Variants in PATJ observed in about 807,000 individuals in gnomAD.
PATJ encodes PATJ crumbs cell polarity complex component.
In PATJ, 190 loss-of-function variants were observed where a neutral mutation model predicts 224.9. The observed-to-expected ratio is 0.84, with a 90% CI of 0.75 to 0.95. PATJ has a LOEUF of 0.95. Among genes scored for constraint, PATJ ranks in the 40% least tolerant of loss-of-function variants. PATJ has a pLI of 0.00. For synonymous variants in PATJ, 769 were observed against 820.3 expected (o/e 0.94, Z 1.07); for missense variants, 2,121 against 2,270.3 (o/e 0.93, Z 1.34).
At chr1:62,101,329 T>C (rs574526076) in intron 33 of PATJ, among the ~76,000 whole-genome samples, 6 of 149,686 alleles carry the variant, frequency 4.0e-5, no homozygotes, top group Non-Finnish European at 8.9e-5. Context: ...AGTGACACAG[T>C]CTCGGCTCAC....
chr1:61,941,665 T>A (rs1427130717), intron 27 of PATJ, among the ~76,000 whole-genome samples: 1 of 152,040 alleles, frequency 6.6e-6, no homozygotes, highest in East Asian at 1.9e-4. Flanking sequence ...AATAAATAAA[T>A]AAATAAATAA....
At chr1:62,149,217 G>A (rs1364810761) in intron 42 of PATJ, among the ~76,000 whole-genome samples, 1 of 151,824 alleles carries the variant, frequency 6.6e-6, no homozygotes, top group South Asian at 2.1e-4. Flanking sequence ...CTGACTAGGT[G>A]GTCTGTGGTG....
At chr1:61,747,861 A>G (rs1026674437) in intron 1 of PATJ, among the ~76,000 whole-genome samples, 4 of 152,256 alleles carry the variant, frequency 2.6e-5, no homozygotes, top group Non-Finnish European at 5.9e-5. Context: ...TAAATGCACA[A>G]TACACACAAG....
At chr1:62,074,181 A>G (rs1264700034) in intron 31 of PATJ, among the ~76,000 whole-genome samples, 1 of 143,722 alleles carries the variant, frequency 7.0e-6, no homozygotes, top group Non-Finnish European at 1.5e-5. Flanking sequence ...CTGTAAAATT[A>G]TATGCTGAAA....
chr1:62,063,018 C>A (rs1460262809), intron 31 of PATJ, among the ~76,000 whole-genome samples: 1 of 152,042 alleles, frequency 6.6e-6, no homozygotes, highest in Non-Finnish European at 1.5e-5. Flanking sequence ...TTATTAGGTC[C>A]CACTTGTCAA....
At chr1:62,121,334 AC>A in intron 38 of PATJ, 39 bp downstream of exon 38, 2 of 1,121,976 alleles carry the variant, frequency 1.8e-6, no homozygotes, top group African/African-American at 2.5e-5. Context: ...CTATCCTGTT[AC>A]CCAAATTAAA....
chr1:62,160,796 TTTAAAG>T, intron 43 of PATJ, 106 bp from the exon 44 acceptor site: 1 of 1,151,290 alleles, frequency 8.7e-7, no homozygotes, highest in Non-Finnish European at 1.2e-6. Flanking sequence ...ATTGGTAGTT[TTTAAAG>T]TTACTCTTTT....
At chr1:61,863,477 A>G (rs1664949228) in intron 19 of PATJ, among the ~76,000 whole-genome samples, 1 of 152,210 alleles carries the variant, frequency 6.6e-6, no homozygotes, top group African/African-American at 2.4e-5. Context: ...TTGATCTCTT[A>G]GAAAGAAGAG....
chr1:62,002,733 A>AAGAG (rs1553238285), intron 28 of PATJ, among the ~76,000 whole-genome samples: 2 of 130,672 alleles, frequency 1.5e-5, no homozygotes, highest in Non-Finnish European at 3.2e-5. Flanking sequence ...AAAAAAAAAA[A>AAGAG]AGAGAGAGAG....
At chr1:62,106,310 A>T (rs1378276779) in intron 33 of PATJ, among the ~76,000 whole-genome samples, 2 of 138,768 alleles carry the variant, frequency 1.4e-5, no homozygotes, top group Non-Finnish European at 3.2e-5. Context: ...ATCTCTACTT[A>T]AAAAAAAAAA....
intron 43 of PATJ, among the ~76,000 whole-genome samples, chr1:62,158,111 A>C (rs933020597): frequency 1.3e-5 from 2 of 149,522 alleles, no homozygotes; most frequent in African/African-American, 4.8e-5. Flanking sequence ...TGCCCATTTT[A>C]CGGCATCTGA....
rs1019751925 is a variant in PATJ at position 62,162,154 on chromosome 1, C to T, written c.*1100C>T. 2.0e-5 allele frequency: 3 copies of T among 152,180 alleles called. No homozygotes were observed. The highest frequency in any genetic ancestry group is 4.4e-5 in the Non-Finnish European group (3 of 68,040). 9.4% of individuals were successfully genotyped at this position (152,180 alleles called of 1,614,324 possible). A position where few individuals can be genotyped will look rare whatever the true frequency, so the allele number is the denominator to read the frequency against. Reference sequence around the variant, plus strand: ...ATACATGTTCTGAATTCTAACAGTGCTAAATTACATTCAAGTCCAGGAAGA... The same window carrying T: ...ATACATGTTCTGAATTCTAACAGTGTTAAATTACATTCAAGTCCAGGAAGA... On this transcript the variant is annotated 3_prime_UTR_variant, in exon 44 of 44. Transcript: ENST00000642238.
chr1:61,813,289 C>CACACTTACTCCA (rs1655221120), intron 14 of PATJ, among the ~76,000 whole-genome samples: 1 of 147,000 alleles, frequency 6.8e-6, no homozygotes, highest in Non-Finnish European at 1.5e-5. Flanking sequence ...TCTCTGCCTC[C>CACACTTACTCCA]ACACTTACTG....
intron 14 of PATJ, among the ~76,000 whole-genome samples, chr1:61,821,555 A>C (rs1657271007): frequency 6.6e-6 from 1 of 152,118 alleles, no homozygotes; most frequent in Non-Finnish European, 1.5e-5. Context: ...GACAGAAGTG[A>C]GCCTCAGATG....
intron 33 of PATJ, among the ~76,000 whole-genome samples, chr1:62,089,955 A>G (rs377346119): frequency 7.2e-5 from 11 of 152,240 alleles, no homozygotes; most frequent in South Asian, 4.1e-4. Context: ...AAACCTCCCA[A>G]TTAAGATTTC....
chr1:61,924,933 C>T (rs368158948), intron 26 of PATJ, among the ~76,000 whole-genome samples: 1 of 5,738 alleles, frequency 1.7e-4, no homozygotes. Flanking sequence ...AGACAGGCGG[C>T]CGGGCGCGGT....
chr1:62,085,658 A>T (rs975593667), intron 33 of PATJ, among the ~76,000 whole-genome samples: 2 of 151,482 alleles, frequency 1.3e-5, no homozygotes, highest in Admixed American at 6.6e-5. Context: ...TACAAAGAAA[A>T]TTTTTTTTAA....
intron 22 of PATJ, among the ~76,000 whole-genome samples, chr1:61,886,568 C>G (rs1379936429): frequency 6.6e-6 from 1 of 151,952 alleles, no homozygotes; most frequent in Non-Finnish European, 1.5e-5. Context: ...GCCTGTAATC[C>G]CAGCACTTTG....
chr1:61,793,780 G>A (rs1650405459), intron 9 of PATJ, among the ~76,000 whole-genome samples: 1 of 151,578 alleles, frequency 6.6e-6, no homozygotes, highest in African/African-American at 2.4e-5. Flanking sequence ...GAAAGTTGTA[G>A]TGGAAATTGA....
Sources: allele counts gnomAD v4.1 joint callset (sites outside exome capture counted in the v4.1 genomes callset), GRCh38; gene constraint gnomAD v4.1.1; transcripts MANE v1.5; gene names NCBI Gene and HGNC (gene_info 2026-07-23, HGNC 2026-07-21).